The following AACS variants were observed in gnomAD, a reference collection of about 807,000 sequenced individuals.
The protein encoded by AACS is acetoacetyl-CoA synthetase.
Under a neutral mutation model 83.1 loss-of-function variants are expected in AACS, and 69 were observed. The ratio of observed to expected loss-of-function variants is 0.83; its 90% confidence interval spans 0.68 to 1.01. AACS has a LOEUF of 1.01. AACS is among the 50% of genes least tolerant of loss of function. AACS has a pLI of 0.00. For missense variants in AACS, 866 were observed against 882.2 expected, an observed-to-expected ratio of 0.98 and a Z score of 0.23; for synonymous variants, 333 against 343.4, an observed-to-expected ratio of 0.97 and a Z score of 0.33.
intron 7 of AACS, among the ~76,000 whole-genome samples, chr12:125,106,188 T>TGAGAGAAAGTCC (rs1670426552): frequency 6.6e-6 from 1 of 152,228 alleles, no homozygotes; most frequent in African/African-American, 2.4e-5. Flanking sequence ...CCTCCTTCCC[T>TGAGAGAAAGTCC]GAGAGAAAGT....
chr12:125,074,303 G>A (rs1469065033), intron 2 of AACS, among the ~76,000 whole-genome samples: 1 of 152,054 alleles, frequency 6.6e-6, no homozygotes, highest in Non-Finnish European at 1.5e-5. Flanking sequence ...TATAATCCCA[G>A]CACTCTGACA....
intron 17 of AACS, chr12:125,139,310 G>A (rs1957445206): frequency 2.6e-5 from 4 of 152,318 alleles, no homozygotes; most frequent in South Asian, 4.1e-4. Context: ...TGGAGTGAGC[G>A]GCCCCGGGGG....
At chr12:125,073,845 C>G (rs34993590) in intron 1 of AACS, 31 bp from the exon 2 acceptor site, 1 of 1,562,906 alleles carries the variant, frequency 6.4e-7, no homozygotes, top group South Asian at 1.1e-5. Flanking sequence ...GATTTCCCTT[C>G]TAAGGTTAAT....
At chr12:125,107,518 A>C (rs1489879651) in intron 8 of AACS, among the ~76,000 whole-genome samples, 1 of 152,196 alleles carries the variant, frequency 6.6e-6, no homozygotes, top group African/African-American at 2.4e-5. Flanking sequence ...GTCACTGTAC[A>C]GCGCGGTGTG....
At chr12:125,093,214 TGTGTGGCAGGGGA>T (rs1252496686) in intron 5 of AACS, among the ~76,000 whole-genome samples, 1 of 152,222 alleles carries the variant, frequency 6.6e-6, no homozygotes, top group Non-Finnish European at 1.5e-5. Flanking sequence ...GGGAGAGCCG[TGTGTGGCAGGGGA>T]GTGATCATGG....
At position 125,129,177 on chromosome 12, in the gene AACS, T is replaced by C; in HGVS notation, c.1424-158T>C. On this transcript the variant is annotated intron_variant, in intron 13 of 17. Transcript: ENST00000316519. The surrounding 1 kb of genome is among the most constrained non-coding windows in gnomAD (Gnocchi z 4.3). ...ACTTCATCTGGGAGGAACGCATTAT[T>C]AGGCTGCTGTGACAGGTGTGTGGGC... The C allele has an allele frequency of 9.9e-7, 1 of 1,013,076 alleles. No individual in the cohort carries two copies. Among genetic ancestry groups the C allele is most frequent in the Non-Finnish European group, 1.3e-6 (1 of 744,162 alleles). 62.8% of individuals were successfully genotyped at this position (1,013,076 alleles called of 1,614,324 possible). A position where few individuals can be genotyped will look rare whatever the true frequency, so the allele number is the denominator to read the frequency against.
intron 10 of AACS, chr12:125,120,644 C>G (rs542884220): frequency 1.3e-5 from 2 of 151,856 alleles, no homozygotes; most frequent in Non-Finnish European, 2.9e-5. Context: ...GGCACTGGGT[C>G]GGGGGTTACT....
Position 125,129,130 on chromosome 12 carries a change from T to C in AACS, c.1424-205T>C, listed in dbSNP as rs1957289737. ...AATCACTACGTCCGAGACAGCGATT[T>C]TGGGGAGCACACAGGGAGGGGACTT... On this transcript the variant is annotated intron_variant, in intron 13 of 17. Coordinates refer to ENST00000316519, the MANE Select transcript of AACS (RefSeq NM_023928.5). This position sits in a 1 kb window ranked among gnomAD's most constrained non-coding sequence, Gnocchi z 4.3. 1 of 568,464 alleles carries C rather than the reference T, an allele frequency of 1.8e-6. No individual in the cohort carries two copies. Among genetic ancestry groups the C allele is most frequent in the Non-Finnish European group, 2.8e-6 (1 of 354,674 alleles). 35.2% of individuals were successfully genotyped at this position (568,464 alleles called of 1,614,324 possible).
intron 10 of AACS, chr12:125,124,369 A>G (rs923542017): frequency 2.2e-5 from 6 of 267,776 alleles, no homozygotes; most frequent in African/African-American, 1.3e-4. Context: ...ATTTGAGGGG[A>G]CTTGATTTTT....
chr12:125,073,539 T>A (rs1955934703), intron 1 of AACS, among the ~76,000 whole-genome samples: 1 of 152,192 alleles, frequency 6.6e-6, no homozygotes, highest in Non-Finnish European at 1.5e-5. Flanking sequence ...TATCCCCATT[T>A]TGCACTTGCC....
Position 125,065,733 on chromosome 12 carries a change from G to C in AACS, c.133+16G>C. 1 of 1,521,092 alleles carries C rather than the reference G, an allele frequency of 6.6e-7. No homozygotes were observed. Among genetic ancestry groups the C allele is most frequent in the Non-Finnish European group, 8.8e-7 (1 of 1,134,886 alleles). The allele number at this position is 1,521,092 out of a possible 1,614,324, so 94.2% of individuals were successfully genotyped here. A position where few individuals can be genotyped will look rare whatever the true frequency, so the allele number is the denominator to read the frequency against. On this transcript the variant is annotated intron_variant, in intron 1 of 17. Transcript: ENST00000316519. ...CTGGCGCTGGGTGAGAGTCGGGCGC[G>C]CGGCCGGGCCTGCGGGGGATGGGCG...
rs375138234 is a variant in AACS at position 125,134,072 on chromosome 12, G to A, written c.1619G>A (p.Ser540Asn). ...KTGGIVMLGR[S>N]DGTLNPNGVR... ...GGGGGCATCGTCATGCTTGGCCGGA[G>A]GTAAGGGCTGCAGAGTCGGCTTCTC... is the stretch of plus-strand genomic sequence containing the variant. Residue 540 changes from serine to asparagine, a missense_variant and splice_region_variant, in exon 15 of 18, where the codon AGT becomes AAT. Coordinates refer to ENST00000316519, the MANE Select transcript of AACS (RefSeq NM_023928.5). 56 of 1,613,768 alleles carry A rather than the reference G, an allele frequency of 3.5e-5. No individual in the cohort carries two copies. The highest frequency in any genetic ancestry group is 1.6e-4 in the Middle Eastern group (1 of 6,084).
At position 125,086,594 on chromosome 12, in the gene AACS, A is replaced by C. The variant is rs75450022; in HGVS notation, c.472+151A>C. ...TGGACTCTACATGCAAGGAGAAAAA[A>C]TAGACCAAGGAAAATTGCTGAAAGA... On this transcript the variant is annotated intron_variant, in intron 4 of 17. Transcript: ENST00000316519. 2.6e-4 allele frequency: 182 copies of C among 696,040 alleles called. 1 individual carries two copies. In the African/African-American group the frequency reaches 3.0e-3, roughly 11 times the overall value. 43.1% of individuals were successfully genotyped at this position (696,040 alleles called of 1,614,324 possible).
In AACS at chr12:125,085,665, G is replaced by A. The variant is rs142431585; in HGVS notation, c.359-665G>A. On this transcript the variant is annotated intron_variant, in intron 3 of 17. Transcript: ENST00000316519. ...TTGCTGGTGTACTCTGTTTATGGAGGATGTAGCCACTGGGGCAGCTGGGTG... is the reference window on the plus strand; with the variant it reads ...TTGCTGGTGTACTCTGTTTATGGAGAATGTAGCCACTGGGGCAGCTGGGTG... Among the ~76,000 whole-genome samples the A allele has an allele frequency of 5.2e-3, 785 of 152,280 alleles. 1 individual carries two copies. Among genetic ancestry groups the A allele is most frequent in the Non-Finnish European group, 7.0e-3 (477 of 68,012 alleles).
At chr12:125,107,730 G>C (rs1956865681) in intron 8 of AACS, among the ~76,000 whole-genome samples, 1 of 152,246 alleles carries the variant, frequency 6.6e-6, no homozygotes, top group African/African-American at 2.4e-5. Flanking sequence ...GGAACCTGAG[G>C]TGGGCAGATT....
chr12:125,095,012 T>C (rs956098417), intron 5 of AACS, among the ~76,000 whole-genome samples: 13 of 151,202 alleles, frequency 8.6e-5, no homozygotes, highest in African/African-American at 2.9e-4. Flanking sequence ...TGTGTGTGTG[T>C]GTGTGTGTGT....
intron 4 of AACS, among the ~76,000 whole-genome samples, chr12:125,090,802 G>C (rs550031707): frequency 2.6e-5 from 4 of 152,366 alleles, no homozygotes; most frequent in African/African-American, 9.6e-5. Context: ...AAGGCATTTG[G>C]TAAAGCAAAG....
At chr12:125,116,565 G>A (rs1336305804) in intron 9 of AACS, among the ~76,000 whole-genome samples, 1 of 152,026 alleles carries the variant, frequency 6.6e-6, no homozygotes, top group Non-Finnish European at 1.5e-5. Context: ...CCAGGTTCAC[G>A]CCATTCTCCT....
chr12:125,117,466 G>A (rs548714757), intron 9 of AACS: 59 of 152,246 alleles, frequency 3.9e-4, no homozygotes, highest in Admixed American at 2.4e-3. Flanking sequence ...GTGTTACCCA[G>A]GCTGGTCTCA....
Sources: allele counts gnomAD v4.1 joint callset (sites outside exome capture counted in the v4.1 genomes callset), GRCh38; gene constraint gnomAD v4.1.1; non-coding constraint Gnocchi (gnomAD v3.1); transcripts MANE v1.5; gene names NCBI Gene and HGNC (gene_info 2026-07-23, HGNC 2026-07-21).